LSM14A: variants seen among roughly 807,000 people sequenced by gnomAD.
LSM14A encodes protein LSM14 homolog A.
Under a neutral mutation model 52.4 loss-of-function variants are expected in LSM14A, and 14 were observed. The observed-to-expected ratio is 0.27, with a 90% CI of 0.18 to 0.42. The LOEUF is 0.42. Ranked by LOEUF, LSM14A falls within the 10% of genes least tolerant of loss-of-function variation. LSM14A has a pLI of 1.00. For synonymous variants in LSM14A, 185 were observed against 200.3 expected, an observed-to-expected ratio of 0.92 and a Z score of 0.64; for missense variants, 417 against 581.8, an observed-to-expected ratio of 0.72 and a Z score of 2.91.
At chr19:34,193,533 A>T (rs889316167) in intron 1 of LSM14A, among the ~76,000 whole-genome samples, 3 of 152,186 alleles carry the variant, frequency 2.0e-5, no homozygotes, top group African/African-American at 7.2e-5. Flanking sequence ...CTTTATTCGT[A>T]GCCAGTTTAC....
chr19:34,184,055 C>CTT (rs34912989), intron 1 of LSM14A, among the ~76,000 whole-genome samples: 17,162 of 129,742 alleles, frequency 0.13, 1,495 homozygotes, highest in Middle Eastern at 0.22. Flanking sequence ...CTTTCCTTTG[C>CTT]TTTTTTTTTT....
intron 1 of LSM14A, among the ~76,000 whole-genome samples, chr19:34,188,841 C>CAT (rs950375965): frequency 1.3e-5 from 2 of 150,638 alleles, no homozygotes; most frequent in African/African-American, 2.4e-5. Flanking sequence ...ATATATATAT[C>CAT]ATATATATAA....
intron 6 of LSM14A, 70 bp downstream of exon 6, chr19:34,215,731 A>G (rs2072532413): frequency 9.3e-7 from 1 of 1,072,236 alleles, no homozygotes; most frequent in South Asian, 1.4e-5. Context: ...TATATGATAC[A>G]TAATTACTAT....
chr19:34,217,613 CCCCGTG>C (rs1284335709), intron 6 of LSM14A, among the ~76,000 whole-genome samples: 1 of 56,352 alleles, frequency 1.8e-5, no homozygotes, highest in African/African-American at 8.6e-5. Context: ...TATCCCCCCC[CCCCGTG>C]TTTTTTTTTT....
intron 1 of LSM14A, among the ~76,000 whole-genome samples, chr19:34,191,690 T>C (rs531310064): frequency 6.6e-5 from 10 of 152,304 alleles, no homozygotes; most frequent in African/African-American, 2.4e-4. Flanking sequence ...TGTTAGGCCT[T>C]AGGAAGCTTA....
At chr19:34,187,012 G>A (rs1210538126) in intron 1 of LSM14A, among the ~76,000 whole-genome samples, 1 of 151,800 alleles carries the variant, frequency 6.6e-6, no homozygotes, top group African/African-American at 2.4e-5. Flanking sequence ...GTCCAAGGCG[G>A]GCAGATCATA....
intron 1 of LSM14A, among the ~76,000 whole-genome samples, chr19:34,189,172 C>A (rs2070165085): frequency 6.6e-6 from 1 of 152,122 alleles, no homozygotes. Context: ...CCCAAAATAT[C>A]CCAGAATCAG....
At chr19:34,211,851 A>G (rs765321589) in intron 4 of LSM14A, among the ~76,000 whole-genome samples, 11 of 152,206 alleles carry the variant, frequency 7.2e-5, no homozygotes, top group Non-Finnish European at 1.3e-4. Flanking sequence ...TTTATTGCAA[A>G]TTAATTAAAA....
In LSM14A at chr19:34,219,565, A is replaced by C. The variant is rs2145868776; in HGVS notation, c.956A>C (p.Lys319Thr). 6.2e-7 allele frequency: 1 copy of C among 1,607,032 alleles called. No homozygotes were observed. Among genetic ancestry groups the C allele is most frequent in the Non-Finnish European group, 8.5e-7 (1 of 1,175,974 alleles). ...GACAGAGAGTTTCATAATAAACTTA[A>C]ATTAAAAGGTAAGCTTTGATTTTTC... is the stretch of plus-strand genomic sequence containing the variant. ...EIDREFHNKL[K>T]LKEDKLEKQE... The change falls in exon 7 of 10, where the codon AAA becomes ACA. Residue 319 changes from lysine to threonine, a missense_variant. Coordinates refer to ENST00000544216, the MANE Select transcript of LSM14A (RefSeq NM_015578.4).
At chr19:34,223,977 A>G (rs1160187416) in intron 9 of LSM14A, among the ~76,000 whole-genome samples, 2 of 152,190 alleles carry the variant, frequency 1.3e-5, no homozygotes, top group Non-Finnish European at 2.9e-5. Context: ...TATCTCTTAT[A>G]GGGGCTGGGA....
chr19:34,189,806 A>G (rs2070213517), intron 1 of LSM14A, among the ~76,000 whole-genome samples: 1 of 152,156 alleles, frequency 6.6e-6, no homozygotes, highest in Non-Finnish European at 1.5e-5. Flanking sequence ...TGTAAACCTA[A>G]TAAAAAGATA....
At chr19:34,199,331 A>G (rs561581978) in intron 3 of LSM14A, among the ~76,000 whole-genome samples, 3 of 152,150 alleles carry the variant, frequency 2.0e-5, no homozygotes, top group Non-Finnish European at 2.9e-5. Context: ...GGGTTTCCCC[A>G]TATTTTCCAG....
intron 1 of LSM14A, 139 bp from the exon 2 acceptor site, chr19:34,194,339 T>G (rs1408421389): frequency 6.1e-6 from 5 of 815,280 alleles, no homozygotes; most frequent in Non-Finnish European, 7.7e-6. Flanking sequence ...AAAAAACTTT[T>G]TTAGCTATAG....
intron 2 of LSM14A, among the ~76,000 whole-genome samples, chr19:34,195,606 A>G (rs966304762): frequency 1.6e-4 from 24 of 152,214 alleles, no homozygotes; most frequent in Admixed American, 3.3e-4. Context: ...AGCTGGAGAA[A>G]TTCTCTACTC....
chr19:34,192,284 G>C (rs1341882148), intron 1 of LSM14A, among the ~76,000 whole-genome samples: 2 of 138,038 alleles, frequency 1.4e-5, no homozygotes, highest in Non-Finnish European at 3.2e-5. Flanking sequence ...AAGAGTGTAG[G>C]ACATTATTTA....
intron 1 of LSM14A, among the ~76,000 whole-genome samples, chr19:34,189,686 C>T (rs2070205112): frequency 6.6e-6 from 1 of 152,078 alleles, no homozygotes; most frequent in Admixed American, 6.6e-5. Context: ...GGCATTTGTG[C>T]TGTAATCTGA....
At position 34,215,656 on chromosome 19, in the gene LSM14A, A is replaced by AAGT; in HGVS notation, c.779_781dup (p.Val260dup). The stretch of plus-strand genomic sequence containing the variant: ...CAACTCAGAAATGATAACAAGAGAC[A>AAGT]AGTAGGTAAGTTCTTGGATCTAAAA... On this transcript the variant is annotated inframe_insertion, in exon 6 of 10. Transcript: ENST00000544216. 6.2e-7 allele frequency: 1 copy of AAGT among 1,609,090 alleles called. No homozygotes were observed. Among genetic ancestry groups the AAGT allele is most frequent in the South Asian group, 1.1e-5 (1 of 90,924 alleles).
chr19:34,192,851 C>T (rs957294749), intron 1 of LSM14A, among the ~76,000 whole-genome samples: 1 of 151,718 alleles, frequency 6.6e-6, no homozygotes, highest in Admixed American at 6.6e-5. Flanking sequence ...TGGTGGCACA[C>T]GCCTGTAATC....
intron 9 of LSM14A, among the ~76,000 whole-genome samples, chr19:34,225,259 AT>A (rs111396033): frequency 0.35 from 53,079 of 151,970 alleles, 9,717 homozygotes; most frequent in African/African-American, 0.4. Flanking sequence ...TTGATTGTTC[AT>A]TCCAGAGTTG....
Sources: gnomAD v4.1 joint callset for allele counts (sites outside exome capture counted in the v4.1 genomes callset) on GRCh38, gnomAD v4.1.1 for gene constraint, MANE v1.5 for transcripts, NCBI Gene and HGNC (gene_info 2026-07-23, HGNC 2026-07-21) for gene names.